The following KIF3B variants were observed in gnomAD, a reference collection of about 807,000 sequenced individuals.
The protein encoded by KIF3B is kinesin-like protein KIF3B.
KIF3B carries 38 observed loss-of-function variants against 74.3 expected under a neutral mutation model. The observed-to-expected ratio is 0.51, with a 90% CI of 0.39 to 0.67. The LOEUF (loss-of-function observed/expected upper bound fraction) is 0.67, where lower values mean the gene tolerates loss of function less well. Among genes scored for constraint, KIF3B ranks in the 30% least tolerant of loss-of-function variants. KIF3B has a pLI of 0.00. For missense variants in KIF3B, 649 were observed against 932.0 expected, an observed-to-expected ratio of 0.70 and a Z score of 3.95; for synonymous variants, 326 against 342.5, an observed-to-expected ratio of 0.95 and a Z score of 0.53.
At chr20:32,329,350 CTTTTT>C (rs35042287) in intron 7 of KIF3B, among the ~76,000 whole-genome samples, 1 of 140,640 alleles carries the variant, frequency 7.1e-6, no homozygotes, top group Non-Finnish European at 1.6e-5. Context: ...CCTTTTTTTT[CTTTTT>C]TTTTTTTTTT....
At chr20:32,281,368 A>G (rs1461239972) in intron 1 of KIF3B, among the ~76,000 whole-genome samples, 2 of 152,224 alleles carry the variant, frequency 1.3e-5, no homozygotes, top group Non-Finnish European at 2.9e-5. Flanking sequence ...GTATTTATTC[A>G]GTATTTCCTG....
intron 2 of KIF3B, among the ~76,000 whole-genome samples, chr20:32,315,300 A>T (rs187391143): frequency 5.9e-5 from 9 of 152,212 alleles, no homozygotes; most frequent in African/African-American, 1.7e-4. Flanking sequence ...ATCACTTCCC[A>T]CCTTCCCCTC....
chr20:32,300,449 CT>C (rs1428634780), intron 1 of KIF3B, among the ~76,000 whole-genome samples: 7 of 152,018 alleles, frequency 4.6e-5, no homozygotes, highest in African/African-American at 1.7e-4. Context: ...CCAATTTTTT[CT>C]GTATTTTTTT....
At chr20:32,319,500 G>A (rs1034070593) in intron 5 of KIF3B, among the ~76,000 whole-genome samples, 32 of 137,336 alleles carry the variant, frequency 2.3e-4, no homozygotes, top group Non-Finnish European at 2.6e-4. Flanking sequence ...TATATATTTC[G>A]TATATATATG....
chr20:32,331,502 C>A lies in KIF3B; in HGVS notation c.*183C>A, dbSNP rs2047930033. On this transcript the variant is annotated 3_prime_UTR_variant, in exon 9 of 9. Transcript: ENST00000375712. Reference sequence around the variant, plus strand: ...GTGCTGTTCCTAATCTGGCACTCAGCCCCTCTGGGAAACATCTTTTAATTA... The same window carrying A: ...GTGCTGTTCCTAATCTGGCACTCAGACCCTCTGGGAAACATCTTTTAATTA... The A allele has an allele frequency of 7.2e-6, 4 of 558,012 alleles. No individual in the cohort carries two copies. The South Asian group carries it at 1.0e-4, about 14-fold the overall frequency. The allele number at this position is 558,012 out of a possible 1,614,324, so 34.6% of individuals were successfully genotyped here.
intron 1 of KIF3B, among the ~76,000 whole-genome samples, chr20:32,304,475 T>C (rs2047759637): frequency 6.6e-6 from 1 of 152,198 alleles, no homozygotes; most frequent in Non-Finnish European, 1.5e-5. Flanking sequence ...AGATACACTT[T>C]CCCACACATG....
chr20:32,299,617 G>T (rs1465122226), intron 1 of KIF3B, among the ~76,000 whole-genome samples: 2 of 151,080 alleles, frequency 1.3e-5, no homozygotes, highest in African/African-American at 4.9e-5. Flanking sequence ...TCGCCATGTT[G>T]GCCAGGGTGG....
At chr20:32,316,170 C>G (rs769584804) in intron 2 of KIF3B, 48 bp from the exon 3 acceptor site, 1 of 1,106,502 alleles carries the variant, frequency 9.0e-7, no homozygotes, top group Non-Finnish European at 1.4e-6. Context: ...GAATTATGTT[C>G]TGAGAGAAAC....
chr20:32,319,576 GT>G (rs1231130100), intron 5 of KIF3B, among the ~76,000 whole-genome samples: 26 of 98,326 alleles, frequency 2.6e-4, no homozygotes, highest in African/African-American at 7.5e-4. Flanking sequence ...TTTTTGTTTT[GT>G]TTTTGTTTTT....
rs756998539 is a variant in KIF3B at position 32,316,567 on chromosome 20, G to A, written c.1547G>A (p.Arg516Gln). The A allele has an allele frequency of 1.9e-5, 30 of 1,613,898 alleles. No homozygotes were observed. The highest frequency in any genetic ancestry group is 8.9e-5 in the East Asian group (4 of 44,886). ...EREIQQQMES[R>Q]DEETLELKET... ...GAAATCCAGCAACAGATGGAAAGTC[G>A]AGATGAGGAGACCTTGGAACTTAAA... The change falls in exon 4 of 9, where the codon CGA becomes CAA. Residue 516 changes from arginine (R) to glutamine (Q), a missense_variant. Arg to Gln is a conservative substitution (Grantham distance 43, BLOSUM62 1). Around this residue, in one of 4 missense-constraint regions of KIF3B, gnomAD observed 363 missense variants for 592.8 expected, o/e 0.61. Coordinates refer to ENST00000375712, the MANE Select transcript of KIF3B (RefSeq NM_004798.4).
chr20:32,291,243 T>C (rs1600418292), intron 1 of KIF3B, among the ~76,000 whole-genome samples: 1 of 152,304 alleles, frequency 6.6e-6, no homozygotes, highest in South Asian at 2.1e-4. Flanking sequence ...AGAGGGTAAA[T>C]TTTATATTAT....
rs750262607 is a variant in KIF3B, at chr20:32,331,357, G to T, written c.*38G>T. The T allele has an allele frequency of 6.6e-7, 1 of 1,521,488 alleles. No homozygotes were observed. Among genetic ancestry groups the T allele is most frequent in the Admixed American group, 1.9e-5 (1 of 53,840 alleles). The allele number at this position is 1,521,488 out of a possible 1,614,324, so 94.2% of individuals were successfully genotyped here. On this transcript the variant is annotated 3_prime_UTR_variant, in exon 9 of 9. Transcript: ENST00000375712. The stretch of plus-strand genomic sequence containing the variant: ...CTCTCCCAGGGCGGAAACAGCATTT[G>T]CCTTCTGAGAGAAGAGACTAGCAAA...
chr20:32,318,243 A>G lies in KIF3B; in HGVS notation c.1748+1369A>G, dbSNP rs546005367. On this transcript the variant is annotated intron_variant, in intron 5 of 8. Transcript: ENST00000375712. The stretch of plus-strand genomic sequence containing the variant: ...CTTGAACCTGGGAGGCGGAGGTTGC[A>G]GTGAGCTGAGATCACACCACTTTAC... Among the ~76,000 whole-genome samples the G allele has an allele frequency of 2.6e-5, 4 of 152,020 alleles. No homozygotes were observed. In the South Asian group the frequency reaches 8.3e-4, roughly 32 times the overall value.
Position 32,310,939 on chromosome 20 carries a change from G to GGCA in KIF3B, c.1164_1166dup (p.Ser389dup), listed in dbSNP as rs769776888. On this transcript the variant is annotated inframe_insertion, in exon 2 of 9. Transcript: ENST00000375712. The surrounding 1 kb of genome is among the most constrained non-coding windows in gnomAD (Gnocchi z 6.5). ...GCGAGAGAAGCGGAGGGAAGGTGGT[G>GGCA]GCAGTGGTGGGGGTGGGGAAGAGGA... The GGCA allele has an allele frequency of 3.7e-6, 6 of 1,613,556 alleles. No individual in the cohort carries two copies. The highest frequency in any genetic ancestry group is 1.3e-5 in the African/African-American group (1 of 74,934).
At chr20:32,321,659 A>T (rs985640361) in intron 5 of KIF3B, among the ~76,000 whole-genome samples, 2 of 152,106 alleles carry the variant, frequency 1.3e-5, no homozygotes, top group African/African-American at 4.8e-5. Context: ...ATATTCAAAC[A>T]TACTTTGTTT....
chr20:32,304,084 T>G (rs1254396207), intron 1 of KIF3B, among the ~76,000 whole-genome samples: 2 of 152,198 alleles, frequency 1.3e-5, no homozygotes, highest in African/African-American at 2.4e-5. Flanking sequence ...ATACCTATTT[T>G]TTCAGATTTA....
intron 1 of KIF3B, among the ~76,000 whole-genome samples, chr20:32,284,254 A>G (rs1174608506): frequency 6.6e-6 from 1 of 152,134 alleles, no homozygotes; most frequent in African/African-American, 2.4e-5. Context: ...TGCTATTTGT[A>G]TAACTTTGCA....
intron 1 of KIF3B, among the ~76,000 whole-genome samples, chr20:32,289,010 G>C (rs1294947100): frequency 6.6e-6 from 1 of 152,108 alleles, no homozygotes; most frequent in Admixed American, 6.6e-5. Context: ...ATTCTGATCC[G>C]GGGTTCTGAG....
chr20:32,286,132 A>C (rs185001147), intron 1 of KIF3B, among the ~76,000 whole-genome samples: 1 of 152,334 alleles, frequency 6.6e-6, no homozygotes, highest in Non-Finnish European at 1.5e-5. Flanking sequence ...AATATAGTCT[A>C]TAAATGGAAA....
Sources: allele counts gnomAD v4.1 joint callset (sites outside exome capture counted in the v4.1 genomes callset), GRCh38; gene constraint gnomAD v4.1.1; regional missense constraint gnomAD v4.1.1; non-coding constraint Gnocchi (gnomAD v3.1); transcripts MANE v1.5; gene names NCBI Gene and HGNC (gene_info 2026-07-23, HGNC 2026-07-21).